Variants in TRIM2 observed in about 807,000 individuals in gnomAD.
TRIM2 encodes the protein tripartite motif-containing protein 2.
TRIM2 carries 20 observed loss-of-function variants against 75.2 expected under a neutral mutation model. The observed-to-expected ratio is 0.27, with a 90% confidence interval of 0.19 to 0.39. TRIM2 has a LOEUF of 0.39. Among genes scored for constraint, TRIM2 ranks in the 10% least tolerant of loss-of-function variants. The pLI is 1.00. For missense variants in TRIM2, 660 were observed against 990.8 expected (o/e 0.67, Z 4.48); for synonymous variants, 373 against 388.3 (o/e 0.96, Z 0.46).
At chr4:153,215,326 T>C (rs1011041508) in intron 1 of TRIM2, among the ~76,000 whole-genome samples, 2 of 151,490 alleles carry the variant, frequency 1.3e-5, no homozygotes, top group Non-Finnish European at 2.9e-5. Context: ...ACCCTTGGGG[T>C]TCAAGGATCA....
intron 1 of TRIM2, among the ~76,000 whole-genome samples, chr4:153,209,814 T>C (rs553001470): frequency 1.3e-5 from 2 of 152,300 alleles, no homozygotes; most frequent in African/African-American, 4.8e-5. Flanking sequence ...CACTTTTCAA[T>C]GTGTGTTCTT....
intron 1 of TRIM2, among the ~76,000 whole-genome samples, chr4:153,187,409 C>T (rs969979449): frequency 1.3e-5 from 2 of 152,198 alleles, no homozygotes; most frequent in African/African-American, 4.8e-5. Context: ...GTGTCAGCTT[C>T]TCTGACCCAC....
At chr4:153,311,314 CT>C (rs1766239320) in intron 6 of TRIM2, among the ~76,000 whole-genome samples, 1 of 152,022 alleles carries the variant, frequency 6.6e-6, no homozygotes, top group Admixed American at 6.6e-5. Context: ...ACTAAGACAC[CT>C]CCTTGACTAG....
At chr4:153,312,464 C>T (rs1766579749) in intron 6 of TRIM2, among the ~76,000 whole-genome samples, 1 of 152,010 alleles carries the variant, frequency 6.6e-6, no homozygotes, top group African/African-American at 2.4e-5. Flanking sequence ...AAATGCTCAC[C>T]ATCACTGGCC....
rs375213888 is a variant in TRIM2 at position 153,293,039 on chromosome 4, G to T, written c.511G>T (p.Gly171Trp). Residue 171 changes from glycine to tryptophan, a missense_variant, in exon 4 of 12, where the codon GGG becomes TGG. Around this residue, in one of 2 missense-constraint regions of TRIM2, gnomAD observed 620 missense variants for 891.0 expected, o/e 0.70. Transcript: ENST00000338700. ...TGCCATGTGTCGGGAGTGCACGGAG[G>T]GGGAGCACGCAGAGCACCCCACAGT... ...ETAMCRECTEGEHAEHPTVPL... is the reference protein window; with the variant it reads ...ETAMCRECTEWEHAEHPTVPL... 7 of 1,613,604 alleles carry T rather than the reference G, an allele frequency of 4.3e-6. No individual in the cohort carries two copies. Among genetic ancestry groups the T allele is most frequent in the African/African-American group, 2.7e-5 (2 of 74,908 alleles).
intron 1 of TRIM2, among the ~76,000 whole-genome samples, chr4:153,237,506 C>T (rs757630285): frequency 7.9e-5 from 12 of 152,144 alleles, no homozygotes; most frequent in South Asian, 6.2e-4. Context: ...TAGTGAAACC[C>T]TGTCTCTACT....
In TRIM2 at chr4:153,336,213, A is replaced by G. The variant is rs1045899370; in HGVS notation, c.*1247A>G. The G allele has an allele frequency of 2.0e-6, 2 of 985,438 alleles. No homozygotes were observed. Among genetic ancestry groups the G allele is most frequent in the Middle Eastern group, 5.2e-4 (1 of 1,934 alleles). The allele number at this position is 985,438 out of a possible 1,614,324, so 61.0% of individuals were successfully genotyped here. On this transcript the variant is annotated 3_prime_UTR_variant, in exon 12 of 12. Transcript: ENST00000338700. ...TGAAAGACAGAAGCTTCGTCCAGCC[A>G]CTCTTCAGCACATTCCTTTACTAAG...
intron 1 of TRIM2, among the ~76,000 whole-genome samples, chr4:153,260,715 C>CAA (rs1338685486): frequency 3.0e-5 from 3 of 100,106 alleles, no homozygotes; most frequent in Non-Finnish European, 6.1e-5. Context: ...CACACACACA[C>CAA]ACACACACAC....
chr4:153,201,644 A>G (rs1329021986), upstream of TRIM2, among the ~76,000 whole-genome samples: 1 of 152,094 alleles, frequency 6.6e-6, no homozygotes, highest in Admixed American at 6.5e-5. Context: ...CTATGAAGCT[A>G]TGATCTGGCC....
chr4:153,194,451 G>C (rs905380258), intron 1 of TRIM2, among the ~76,000 whole-genome samples: 1 of 151,964 alleles, frequency 6.6e-6, no homozygotes, highest in African/African-American at 2.4e-5. Context: ...ACCTCAAAAT[G>C]ATTAAGTGGA....
chr4:153,252,444 A>T (rs1751088975), intron 1 of TRIM2, among the ~76,000 whole-genome samples: 1 of 152,184 alleles, frequency 6.6e-6, no homozygotes, highest in Non-Finnish European at 1.5e-5. Flanking sequence ...CTCAATTTCC[A>T]CTAAAATAAC....
At chr4:153,332,025 T>C (rs747613150) in intron 11 of TRIM2, among the ~76,000 whole-genome samples, 1 of 152,230 alleles carries the variant, frequency 6.6e-6, no homozygotes, top group Non-Finnish European at 1.5e-5. Flanking sequence ...AATGTAAAAC[T>C]ATAACATTTT....
chr4:153,203,891 C>CAATA (rs56292904), upstream of TRIM2, among the ~76,000 whole-genome samples: 11,173 of 151,150 alleles, frequency 0.074, 441 homozygotes, highest in South Asian at 0.13. Flanking sequence ...GACTCCATCT[C>CAATA]AATAAATAAA....
chr4:153,222,688 A>G (rs1246571719), intron 1 of TRIM2: 1 of 152,238 alleles, frequency 6.6e-6, no homozygotes, highest in Non-Finnish European at 1.5e-5. Context: ...CCGACCAGAG[A>G]GCCATTTGGA....
chr4:153,270,267 A>G, intron 1 of TRIM2, 68 bp from the exon 2 acceptor site: 1 of 1,526,586 alleles, frequency 6.6e-7, no homozygotes, highest in Non-Finnish European at 8.9e-7. Context: ...TTATGGTGAA[A>G]GAGCCAGTGA....
Position 153,335,982 on chromosome 4 carries a change from A to C in TRIM2, c.*1016A>C, listed in dbSNP as rs1447186290. 49 of 985,744 alleles carry C rather than the reference A, an allele frequency of 5.0e-5. No individual in the cohort carries two copies. The highest frequency in any genetic ancestry group is 5.9e-5 in the Non-Finnish European group (49 of 829,952). The allele number at this position is 985,744 out of a possible 1,614,324, so 61.1% of individuals were successfully genotyped here. ...ATTGATTAATGATTCCCCCTTAGAA[A>C]GCAAGTGTTACCAAAGTTGTGTTAT... is the stretch of plus-strand genomic sequence containing the variant. On this transcript the variant is annotated 3_prime_UTR_variant, in exon 12 of 12. Transcript: ENST00000338700.
chr4:153,189,991 T>C (rs1469174700), intron 1 of TRIM2, among the ~76,000 whole-genome samples: 1 of 152,214 alleles, frequency 6.6e-6, no homozygotes, highest in African/African-American at 2.4e-5. Context: ...GTAGATTTGA[T>C]TTAAATCAAA....
chr4:153,252,543 A>T (rs1268262585), intron 1 of TRIM2, among the ~76,000 whole-genome samples: 5 of 152,138 alleles, frequency 3.3e-5, no homozygotes, highest in Non-Finnish European at 7.4e-5. Flanking sequence ...ATGGAGTCTC[A>T]CTCTGTCACC....
At chr4:153,314,419 CAAAAA>C (rs58410286) in intron 6 of TRIM2, among the ~76,000 whole-genome samples, 1 of 58,882 alleles carries the variant, frequency 1.7e-5, no homozygotes, top group Non-Finnish European at 3.1e-5. Context: ...GACTCCGTCT[CAAAAA>C]AAAAAAAAAA....
Sources: allele counts gnomAD v4.1 joint callset (sites outside exome capture counted in the v4.1 genomes callset), GRCh38; gene constraint gnomAD v4.1.1; regional missense constraint gnomAD v4.1.1; transcripts MANE v1.5; gene names NCBI Gene and HGNC (gene_info 2026-07-23, HGNC 2026-07-21).